Variants in LRMDA observed in about 807,000 individuals in gnomAD.
LRMDA encodes the protein leucine-rich melanocyte differentiation-associated protein.
A neutral mutation model predicts 29.8 loss-of-function variants in LRMDA; 18 were observed. The ratio of observed to expected loss-of-function variants is 0.60; its 90% CI spans 0.42 to 0.90. The LOEUF (loss-of-function observed/expected upper bound fraction) is 0.90. Among genes scored for constraint, LRMDA ranks in the 40% least tolerant of loss-of-function variants. The pLI, the probability that LRMDA is intolerant of heterozygous loss-of-function variation, is 0.00. For missense variants in LRMDA, 273 were observed against 273.9 expected (o/e 1.00, Z 0.02); for synonymous variants, 125 against 109.4 (o/e 1.14, Z -0.89).
chr10:76,255,307 G>A (rs1258193381), intron 5 of LRMDA, among the ~76,000 whole-genome samples: 1 of 152,168 alleles, frequency 6.6e-6, no homozygotes, highest in African/African-American at 2.4e-5. Flanking sequence ...ACCAAAGAAG[G>A]CAATCTTCCG....
At chr10:75,555,288 C>T (rs1384518236) in intron 2 of LRMDA, among the ~76,000 whole-genome samples, 1 of 152,168 alleles carries the variant, frequency 6.6e-6, no homozygotes, top group Non-Finnish European at 1.5e-5. Flanking sequence ...TACAGCTTTT[C>T]TCTTGAGTAC....
At chr10:76,173,211 C>A (rs959245841) in intron 5 of LRMDA, among the ~76,000 whole-genome samples, 3 of 152,028 alleles carry the variant, frequency 2.0e-5, no homozygotes, top group African/African-American at 7.2e-5. Flanking sequence ...CAATAGAAAT[C>A]ATTCAGAATG....
chr10:76,055,141 T>A (rs1848593341), intron 4 of LRMDA, among the ~76,000 whole-genome samples: 1 of 151,298 alleles, frequency 6.6e-6, no homozygotes, highest in South Asian at 2.1e-4. Context: ...TTTGGGTGTT[T>A]TGTGGCACTT....
chr10:76,407,151 G>T (rs557552800), intron 6 of LRMDA, among the ~76,000 whole-genome samples: 1 of 152,316 alleles, frequency 6.6e-6, no homozygotes, highest in East Asian at 1.9e-4. Flanking sequence ...GCACAGAACA[G>T]GGAGTGTGCA....
At chr10:76,387,472 A>G (rs770028744) in intron 6 of LRMDA, among the ~76,000 whole-genome samples, 1 of 152,014 alleles carries the variant, frequency 6.6e-6, no homozygotes, top group African/African-American at 2.4e-5. Flanking sequence ...ATGGTGGTGC[A>G]CGTGCGTGTA....
Position 76,429,023 on chromosome 10 carries a change from T to TACACACACACACAC in LRMDA, c.601+104542_601+104555dup, listed in dbSNP as rs140684832. On this transcript the variant is annotated intron_variant, in intron 6 of 6. Coordinates refer to ENST00000611255, the MANE Select transcript of LRMDA (RefSeq NM_001305581.2). The stretch of plus-strand genomic sequence containing the variant: ...GATGAGGAAATAACCCTGCCAATTA[T>TACACACACACACAC]ACACACACACACACACAAACACACA... 3.2e-3 allele frequency among the ~76,000 whole-genome samples: 485 copies of TACACACACACACAC among 149,952 alleles called. 3 individuals are homozygous for TACACACACACACAC. The highest frequency in any genetic ancestry group is 9.3e-3 in the African/African-American group (381 of 40,828).
At chr10:76,444,578 C>T (rs886911194) in intron 6 of LRMDA, among the ~76,000 whole-genome samples, 5 of 152,184 alleles carry the variant, frequency 3.3e-5, no homozygotes, top group Non-Finnish European at 5.9e-5. Context: ...CTCTGGTACT[C>T]CAAGTCCCAA....
At chr10:76,173,063 A>G (rs76041297) in intron 5 of LRMDA, among the ~76,000 whole-genome samples, 48 of 151,940 alleles carry the variant, frequency 3.2e-4, no homozygotes, top group Admixed American at 9.2e-4. Flanking sequence ...GAAGATAAAA[A>G]AAAAGATAAT....
At position 76,551,527 on chromosome 10, in the gene LRMDA, C is replaced by T. The variant is rs1290454615; in HGVS notation, c.602-5682C>T. Reference sequence around the variant, plus strand: ...CCTATAATTGTTTAACCTTACAAAGCCGTACACATTTGATAGAAGATGTAA... The same window carrying T: ...CCTATAATTGTTTAACCTTACAAAGTCGTACACATTTGATAGAAGATGTAA... On this transcript the variant is annotated intron_variant, in intron 6 of 6. Transcript: ENST00000611255. 2.0e-5 allele frequency among the ~76,000 whole-genome samples: 3 copies of T among 152,146 alleles called. No homozygotes were observed. In the East Asian group the frequency reaches 5.8e-4, roughly 29 times the overall value.
intron 2 of LRMDA, among the ~76,000 whole-genome samples, chr10:75,971,991 T>G (rs541328873): frequency 6.6e-6 from 1 of 152,302 alleles, no homozygotes; most frequent in African/African-American, 2.4e-5. Flanking sequence ...ATATTTCAGA[T>G]GTCAAAGAAA....
intron 2 of LRMDA, among the ~76,000 whole-genome samples, chr10:76,026,175 C>A (rs2132496403): frequency 6.6e-6 from 1 of 152,292 alleles, no homozygotes; most frequent in South Asian, 2.1e-4. Context: ...TTAGGTTCAT[C>A]ATTATATTAA....
chr10:75,435,513 C>T (rs1844254203), intron 1 of LRMDA, among the ~76,000 whole-genome samples: 1 of 152,224 alleles, frequency 6.6e-6, no homozygotes, highest in South Asian at 2.1e-4. Flanking sequence ...TCTACTTTAC[C>T]ACAGGAGTTA....
chr10:75,883,730 G>T (rs981125942), intron 2 of LRMDA, among the ~76,000 whole-genome samples: 5 of 151,818 alleles, frequency 3.3e-5, no homozygotes, highest in Non-Finnish European at 7.4e-5. Context: ...GAGGAGGGGG[G>T]AGAGGATCAT....
At chr10:76,089,469 G>A (rs917175583) in intron 5 of LRMDA, among the ~76,000 whole-genome samples, 5 of 152,228 alleles carry the variant, frequency 3.3e-5, no homozygotes, top group Non-Finnish European at 5.9e-5. Context: ...GGGATCCTCC[G>A]CAACCACTTT....
chr10:75,921,491 C>G (rs1298704382), intron 2 of LRMDA, among the ~76,000 whole-genome samples: 1 of 152,206 alleles, frequency 6.6e-6, no homozygotes, highest in Admixed American at 6.5e-5. Flanking sequence ...AATATTTTCA[C>G]CTGGTCAAAG....
chr10:75,820,406 G>A (rs1844137409), intron 2 of LRMDA, among the ~76,000 whole-genome samples: 1 of 152,190 alleles, frequency 6.6e-6, no homozygotes, highest in African/African-American at 2.4e-5. Context: ...ATATGTGATT[G>A]TTGGGTCAAT....
chr10:75,644,891 A>G (rs985207696), intron 2 of LRMDA, among the ~76,000 whole-genome samples: 10 of 151,966 alleles, frequency 6.6e-5, no homozygotes, highest in Non-Finnish European at 1.3e-4. Flanking sequence ...AAATGAATAA[A>G]CACAAAGTCT....
intron 5 of LRMDA, among the ~76,000 whole-genome samples, chr10:76,247,502 A>G (rs944494867): frequency 2.0e-5 from 3 of 152,208 alleles, no homozygotes; most frequent in Non-Finnish European, 4.4e-5. Context: ...CTTTTGAGAG[A>G]TTCAGCTGCG....
At chr10:76,130,213 A>G (rs1165267560) in intron 5 of LRMDA, among the ~76,000 whole-genome samples, 1 of 151,418 alleles carries the variant, frequency 6.6e-6, no homozygotes, top group African/African-American at 2.4e-5. Context: ...CCCAATCTCC[A>G]CTTAGACTCA....
Sources: gnomAD v4.1 joint callset for allele counts (sites outside exome capture counted in the v4.1 genomes callset) on GRCh38, gnomAD v4.1.1 for gene constraint, MANE v1.5 for transcripts, NCBI Gene and HGNC (gene_info 2026-07-23, HGNC 2026-07-21) for gene names.